GREB1L: variants seen among roughly 807,000 people sequenced by gnomAD.
GREB1L encodes the protein GREB1-like protein.
A neutral mutation model predicts 200.8 loss-of-function variants in GREB1L; 17 were observed. That is an observed-to-expected ratio of 0.08 (90% CI 0.06 to 0.13). The LOEUF (loss-of-function observed/expected upper bound fraction) is 0.13. Ranked by LOEUF, GREB1L falls within the 10% of genes least tolerant of loss-of-function variation. The pLI, the probability that GREB1L is intolerant of heterozygous loss-of-function variation, is 1.00. For synonymous variants in GREB1L, 789 were observed against 893.0 expected (o/e 0.88, Z 2.08); for missense variants, 1,657 against 2,367.7 (o/e 0.70, Z 6.23).
chr18:21,390,168 C>T (rs1173674952), intron 4 of GREB1L, among the ~76,000 whole-genome samples: 1 of 152,038 alleles, frequency 6.6e-6, no homozygotes, highest in African/African-American at 2.4e-5. Flanking sequence ...TACTGCACTG[C>T]CAGTCATATA....
chr18:21,476,060 A>C (rs2035689021), intron 16 of GREB1L, among the ~76,000 whole-genome samples: 1 of 147,672 alleles, frequency 6.8e-6, no homozygotes, highest in African/African-American at 2.5e-5. Flanking sequence ...GGTAGGGGGC[A>C]TCTTTGCTCC....
chr18:21,500,880 G>A (rs2036760905), intron 23 of GREB1L, among the ~76,000 whole-genome samples: 1 of 152,044 alleles, frequency 6.6e-6, no homozygotes, highest in Non-Finnish European at 1.5e-5. Flanking sequence ...ACCAGCCTGG[G>A]CAATATGGTG....
chr18:21,356,895 G>A (rs1371426669), intron 1 of GREB1L, among the ~76,000 whole-genome samples: 1 of 152,046 alleles, frequency 6.6e-6, no homozygotes, highest in African/African-American at 2.4e-5. Context: ...ACCTCATTGT[G>A]ATTTTAATTT....
At chr18:21,328,179 C>T (rs556289638) in intron 1 of GREB1L, among the ~76,000 whole-genome samples, 1 of 137,944 alleles carries the variant, frequency 7.2e-6, no homozygotes, top group South Asian at 2.1e-4. Context: ...GTGCCATTGC[C>T]CCCCCCCGTT....
At chr18:21,422,836 T>C (rs901749480) in intron 7 of GREB1L, among the ~76,000 whole-genome samples, 1 of 152,222 alleles carries the variant, frequency 6.6e-6, no homozygotes, top group African/African-American at 2.4e-5. Context: ...CAAATTACTC[T>C]CCTAACAGGT....
intron 1 of GREB1L, among the ~76,000 whole-genome samples, chr18:21,304,370 T>C (rs1327217432): frequency 2.6e-5 from 4 of 152,156 alleles, no homozygotes; most frequent in African/African-American, 9.7e-5. Flanking sequence ...TATTTAAGTT[T>C]TTGTTTTTAT....
intron 1 of GREB1L, among the ~76,000 whole-genome samples, chr18:21,310,953 T>C (rs2038780469): frequency 7.2e-5 from 11 of 152,210 alleles, no homozygotes; most frequent in Admixed American, 7.2e-4. Flanking sequence ...AGTCTTTGAA[T>C]GTAAGGCCTT....
At chr18:21,263,327 TTCG>T (rs2037918342) in intron 1 of GREB1L, among the ~76,000 whole-genome samples, 2 of 152,226 alleles carry the variant, frequency 1.3e-5, no homozygotes, top group African/African-American at 4.8e-5. Context: ...TATCCTTGTC[TTCG>T]TCCATTACAA....
At chr18:21,432,084 G>A (rs959705544) in intron 7 of GREB1L, among the ~76,000 whole-genome samples, 52 of 151,722 alleles carry the variant, frequency 3.4e-4, no homozygotes, top group Admixed American at 9.8e-4. Flanking sequence ...CACCGCGTCC[G>A]GCTAATTTTT....
chr18:21,470,026 T>C (rs1246180773), intron 15 of GREB1L, among the ~76,000 whole-genome samples: 1 of 152,162 alleles, frequency 6.6e-6, no homozygotes, highest in Non-Finnish European at 1.5e-5. Context: ...GGATCATGCC[T>C]ATAATCCCAG....
rs893068448 is a variant in GREB1L, at chr18:21,524,591, A to G, written c.*1770A>G. On this transcript the variant is annotated 3_prime_UTR_variant, in exon 33 of 33. Coordinates refer to ENST00000424526, the MANE Select transcript of GREB1L (RefSeq NM_001142966.3). Reference sequence around the variant, plus strand: ...TACCAAGAAACCCACTGTCTGTGCAATATTCCAATAACATTTACATAGGGC... The same window carrying G: ...TACCAAGAAACCCACTGTCTGTGCAGTATTCCAATAACATTTACATAGGGC... The G allele has an allele frequency of 6.6e-6, 1 of 152,194 alleles. No homozygotes were observed. The highest frequency in any genetic ancestry group is 6.5e-5 in the Admixed American group (1 of 15,268). 9.4% of individuals were successfully genotyped at this position (152,194 alleles called of 1,614,324 possible). A position where few individuals can be genotyped will look rare whatever the true frequency, so the allele number is the denominator to read the frequency against.
chr18:21,278,380 CAAAAA>C (rs550496435), intron 1 of GREB1L, among the ~76,000 whole-genome samples: 23 of 106,338 alleles, frequency 2.2e-4, no homozygotes, highest in African/African-American at 7.0e-4. Flanking sequence ...GACTCCATCT[CAAAAA>C]AAAAAAATAA....
intron 1 of GREB1L, among the ~76,000 whole-genome samples, chr18:21,275,269 T>G (rs1396015844): frequency 6.6e-6 from 1 of 151,688 alleles, no homozygotes; most frequent in East Asian, 2.0e-4. Context: ...TTGGTTATAT[T>G]TCATAAAGGG....
At chr18:21,313,792 A>G (rs1317338283) in intron 1 of GREB1L, among the ~76,000 whole-genome samples, 1 of 152,194 alleles carries the variant, frequency 6.6e-6, no homozygotes, top group East Asian at 1.9e-4. Flanking sequence ...GTGTCAAACC[A>G]CATTTCTTAG....
intron 2 of GREB1L, among the ~76,000 whole-genome samples, chr18:21,372,146 C>CTTTT (rs1428080234): frequency 1.3e-5 from 2 of 150,394 alleles, no homozygotes; most frequent in African/African-American, 4.9e-5. Context: ...ACAAATTTGT[C>CTTTT]TCTCTTTTTT....
rs545986054 is a variant in GREB1L, at chr18:21,314,439, T to C, written c.-119-51588T>C. On this transcript the variant is annotated intron_variant, in intron 1 of 32. Transcript: ENST00000424526. ...TAAGCCCACAGCACCTGAAACAAGGTCTGCTTGACACATAGTAGGCACTTG... is the reference window on the plus strand; with the variant it reads ...TAAGCCCACAGCACCTGAAACAAGGCCTGCTTGACACATAGTAGGCACTTG... Among the ~76,000 whole-genome samples the C allele has an allele frequency of 2.6e-5, 4 of 152,276 alleles. No homozygotes were observed. In the South Asian group the frequency reaches 8.3e-4, roughly 32 times the overall value.
At chr18:21,296,875 G>A (rs896807934) in intron 1 of GREB1L, among the ~76,000 whole-genome samples, 1 of 151,988 alleles carries the variant, frequency 6.6e-6, no homozygotes, top group Non-Finnish European at 1.5e-5. Flanking sequence ...GGCTGGTCTC[G>A]AACTCCTGAC....
At chr18:21,278,363 A>C (rs2038204979) in intron 1 of GREB1L, among the ~76,000 whole-genome samples, 1 of 147,974 alleles carries the variant, frequency 6.8e-6, no homozygotes, top group Admixed American at 6.9e-5. Flanking sequence ...CTGGGCAACA[A>C]GAGCAAGACT....
Position 21,405,763 on chromosome 18 carries a change from T to C in GREB1L, c.832+1769T>C, listed in dbSNP as rs2030130356. ...TTGCAATGAGCCGAGATTGTGCCAC[T>C]GCACTCCAGCCTGGATGATGGAGTG... is the stretch of plus-strand genomic sequence containing the variant. On this transcript the variant is annotated intron_variant, in intron 7 of 32. Transcript: ENST00000424526. Among the ~76,000 whole-genome samples the C allele has an allele frequency of 2.6e-5, 4 of 152,190 alleles. No individual in the cohort carries two copies. The South Asian group carries it at 8.3e-4, about 32-fold the overall frequency.
Sources: allele counts gnomAD v4.1 joint callset (sites outside exome capture counted in the v4.1 genomes callset), GRCh38; gene constraint gnomAD v4.1.1; transcripts MANE v1.5; gene names NCBI Gene and HGNC (gene_info 2026-07-23, HGNC 2026-07-21).